Variants in KCMF1 observed in about 807,000 individuals in gnomAD.
KCMF1 encodes potassium channel modulatory factor 1.
In KCMF1, 3 loss-of-function variants were observed where a neutral mutation model predicts 41.1. The observed-to-expected ratio is 0.07, with a 90% CI of 0.03 to 0.19. The LOEUF (loss-of-function observed/expected upper bound fraction) is 0.19, where lower values mean the gene tolerates loss of function less well. Ranked by LOEUF, KCMF1 falls within the 10% of genes least tolerant of loss-of-function variation. KCMF1 has a pLI of 1.00. For synonymous variants in KCMF1, 142 were observed against 164.5 expected, an observed-to-expected ratio of 0.86 and a Z score of 1.04; for missense variants, 286 against 488.9, an observed-to-expected ratio of 0.58 and a Z score of 3.91.
chr2:85,055,642 GTAT>G lies in KCMF1; in HGVS notation c.*2238_*2240del, dbSNP rs1358322444. ...CCTCATCCTGTATGTAATCAATAAT[GTAT>G]TATTTTAGGGTAGAACGACACAGAA... On this transcript the variant is annotated 3_prime_UTR_variant, in exon 7 of 7. Coordinates refer to ENST00000409785, the MANE Select transcript of KCMF1 (RefSeq NM_020122.5). 1 of 152,072 alleles carries G rather than the reference GTAT, an allele frequency of 6.6e-6. No homozygotes were observed. Among genetic ancestry groups the G allele is most frequent in the Admixed American group, 6.6e-5 (1 of 15,262 alleles). The allele number at this position is 152,072 out of a possible 1,614,324, so 9.4% of individuals were successfully genotyped here. A position where few individuals can be genotyped will look rare whatever the true frequency, so the allele number is the denominator to read the frequency against.
intron 5 of KCMF1, among the ~76,000 whole-genome samples, chr2:85,048,611 C>G (rs1009078059): frequency 6.6e-6 from 1 of 152,234 alleles, no homozygotes; most frequent in African/African-American, 2.4e-5. Flanking sequence ...AGGCATTTCA[C>G]TGTACCTTAC....
intron 2 of KCMF1, among the ~76,000 whole-genome samples, chr2:85,031,097 T>C (rs1360904840): frequency 6.6e-6 from 1 of 152,226 alleles, no homozygotes; most frequent in Non-Finnish European, 1.5e-5. Context: ...CTTTGTTCTT[T>C]TTCAATATTA....
rs147339354 is a variant in KCMF1, at chr2:85,019,159, T to G, written c.17-8730T>G. Among the ~76,000 whole-genome samples, 157 of 152,358 alleles carry G rather than the reference T, an allele frequency of 1.0e-3. 1 individual carries two copies. Among genetic ancestry groups the G allele is most frequent in the African/African-American group, 3.6e-3 (151 of 41,588 alleles). On this transcript the variant is annotated intron_variant, in intron 1 of 6. Coordinates refer to ENST00000409785, the MANE Select transcript of KCMF1 (RefSeq NM_020122.5). ...CCATGTATCTGTTCTGTTTCAGATTTCTCTGACTTCCTGATACCAGGTAAA... is the reference window on the plus strand; with the variant it reads ...CCATGTATCTGTTCTGTTTCAGATTGCTCTGACTTCCTGATACCAGGTAAA...
Position 85,055,080 on chromosome 2 carries a change from C to G in KCMF1, c.*1671C>G, listed in dbSNP as rs1675897073. The G allele has an allele frequency of 6.6e-6, 1 of 152,196 alleles. No individual in the cohort carries two copies. Among genetic ancestry groups the G allele is most frequent in the African/African-American group, 2.4e-5 (1 of 41,456 alleles). 9.4% of individuals were successfully genotyped at this position (152,196 alleles called of 1,614,324 possible). On this transcript the variant is annotated 3_prime_UTR_variant, in exon 7 of 7. Transcript: ENST00000409785. ...GTAATGGATAATGTTTAAAGGAAAA[C>G]TTTACACCAGGCTTCTGGTTACACT... is the stretch of plus-strand genomic sequence containing the variant.
At chr2:85,000,972 T>C (rs1674311826) in intron 1 of KCMF1, among the ~76,000 whole-genome samples, 1 of 150,578 alleles carries the variant, frequency 6.6e-6, no homozygotes, top group African/African-American at 2.4e-5. Context: ...TGTTTTGTTT[T>C]GTGGGTTTTC....
intron 1 of KCMF1, among the ~76,000 whole-genome samples, chr2:85,023,816 C>T (rs1490603985): frequency 1.3e-5 from 2 of 152,214 alleles, no homozygotes; most frequent in South Asian, 2.1e-4. Flanking sequence ...CTGATTTACA[C>T]TCCTACCAGC....
chr2:85,007,165 A>T (rs2103997218), intron 1 of KCMF1, among the ~76,000 whole-genome samples: 1 of 151,528 alleles, frequency 6.6e-6, no homozygotes, highest in African/African-American at 2.4e-5. Flanking sequence ...CACTAACTGG[A>T]TCTTTGTTTT....
At chr2:84,987,077 A>T (rs533119185) in intron 1 of KCMF1, among the ~76,000 whole-genome samples, 1 of 152,218 alleles carries the variant, frequency 6.6e-6, no homozygotes, top group East Asian at 1.9e-4. Context: ...GGTTTTCTAA[A>T]TTAGATAAAG....
At chr2:85,017,562 C>T (rs1674809867) in intron 1 of KCMF1, among the ~76,000 whole-genome samples, 1 of 151,416 alleles carries the variant, frequency 6.6e-6, no homozygotes, top group East Asian at 1.9e-4. Context: ...CCCTCCCTCC[C>T]TCCACCCCAC....
chr2:85,032,796 G>A (rs948889704), intron 2 of KCMF1, among the ~76,000 whole-genome samples: 2 of 152,172 alleles, frequency 1.3e-5, no homozygotes, highest in African/African-American at 4.8e-5. Context: ...GATTATAGGC[G>A]TGAGCCACCT....
chr2:84,993,207 A>G (rs1031918164), intron 1 of KCMF1, among the ~76,000 whole-genome samples: 1 of 151,872 alleles, frequency 6.6e-6, no homozygotes, highest in Non-Finnish European at 1.5e-5. Context: ...AAAAGAAAAG[A>G]AACAGGAAAA....
At chr2:84,986,640 G>A (rs1673907395) in intron 1 of KCMF1, among the ~76,000 whole-genome samples, 1 of 151,960 alleles carries the variant, frequency 6.6e-6, no homozygotes, top group Non-Finnish European at 1.5e-5. Context: ...CACTTTGGGA[G>A]GCCAAGGTGG....
intron 1 of KCMF1, among the ~76,000 whole-genome samples, chr2:84,996,883 T>C (rs1224583891): frequency 6.6e-6 from 1 of 152,170 alleles, no homozygotes; most frequent in South Asian, 2.1e-4. Flanking sequence ...GTGAACATCA[T>C]AGAGTGTACT....
At chr2:85,023,903 G>A (rs1675017923) in intron 1 of KCMF1, among the ~76,000 whole-genome samples, 1 of 152,086 alleles carries the variant, frequency 6.6e-6, no homozygotes, top group African/African-American at 2.4e-5. Flanking sequence ...TTACCGGTTT[G>A]GTAAATGTAA....
intron 1 of KCMF1, among the ~76,000 whole-genome samples, chr2:85,025,133 T>A (rs1220480725): frequency 6.6e-6 from 1 of 152,166 alleles, no homozygotes; most frequent in African/African-American, 2.4e-5. Context: ...CACAAAAAAA[T>A]TCTTTTTAAA....
At chr2:85,034,056 T>C (rs2104039343) in intron 2 of KCMF1, among the ~76,000 whole-genome samples, 1 of 151,776 alleles carries the variant, frequency 6.6e-6, no homozygotes, top group East Asian at 1.9e-4. Flanking sequence ...ATTAGCCGGA[T>C]GTGATGGCAC....
intron 1 of KCMF1, among the ~76,000 whole-genome samples, chr2:85,008,354 A>AATGATATATATTATATATG (rs1674551020): frequency 7.1e-5 from 4 of 56,482 alleles, no homozygotes; most frequent in African/African-American, 2.6e-4. Context: ...TATAATATAT[A>AATGATATATATTATATATG]ATATATATTA....
At chr2:85,005,705 C>T (rs1674454890) in intron 1 of KCMF1, among the ~76,000 whole-genome samples, 3 of 152,044 alleles carry the variant, frequency 2.0e-5, no homozygotes, top group Admixed American at 2.0e-4. Context: ...GAGATGAGGT[C>T]TCACTATGTT....
intron 1 of KCMF1, among the ~76,000 whole-genome samples, chr2:84,996,001 T>C (rs1342294794): frequency 6.6e-6 from 1 of 152,246 alleles, no homozygotes; most frequent in Non-Finnish European, 1.5e-5. Flanking sequence ...GAAGTTCAGA[T>C]ACCACAAGCA....
Sources: gnomAD v4.1 joint callset for allele counts (sites outside exome capture counted in the v4.1 genomes callset) on GRCh38, gnomAD v4.1.1 for gene constraint, MANE v1.5 for transcripts, NCBI Gene and HGNC (gene_info 2026-07-23, HGNC 2026-07-21) for gene names.